Variants in TMEM266 observed in about 807,000 individuals in gnomAD.
The protein encoded by TMEM266 is transmembrane protein 266.
A neutral mutation model predicts 50.5 loss-of-function variants in TMEM266; 33 were observed. The ratio of observed to expected loss-of-function variants is 0.65; its 90% CI spans 0.50 to 0.87. TMEM266 has a LOEUF of 0.87. TMEM266 is among the 40% of genes least tolerant of loss of function. The pLI is 0.00. For synonymous variants in TMEM266, 310 were observed against 292.3 expected, an observed-to-expected ratio of 1.06 and a Z score of -0.62; for missense variants, 655 against 695.1, an observed-to-expected ratio of 0.94 and a Z score of 0.65.
chr15:76,088,754 G>T (rs1247844662), intron 1 of TMEM266, among the ~76,000 whole-genome samples: 1 of 151,394 alleles, frequency 6.6e-6, no homozygotes. Context: ...CTGAGATCAC[G>T]CCACTGCACT....
chr15:76,203,972 C>T lies in TMEM266; in HGVS notation c.1253C>T (p.Pro418Leu), dbSNP rs368467428. The T allele has an allele frequency of 1.4e-5, 23 of 1,610,794 alleles. No individual in the cohort carries two copies. Among genetic ancestry groups the T allele is most frequent in the South Asian group, 1.3e-4 (12 of 90,998 alleles). Reference sequence around the variant, plus strand: ...GACTGCAGCACTGCCCGCGAGGAGCCGTCCTCTGAGCCCGGCCCTTCTCCC... The same window carrying T: ...GACTGCAGCACTGCCCGCGAGGAGCTGTCCTCTGAGCCCGGCCCTTCTCCC... ...EEPSSEPGPS[P>L]PPLPSQQQVE... The change falls in exon 11 of 11, where the codon CCG becomes CTG. Residue 418 changes from proline to leucine, a missense_variant. Around this residue, in one of 3 missense-constraint regions of TMEM266, gnomAD observed 455 missense variants for 401.8 expected, o/e 1.13. Coordinates refer to ENST00000388942, the MANE Select transcript of TMEM266 (RefSeq NM_152335.3).
chr15:76,084,157 C>A (rs2036736934), intron 1 of TMEM266, among the ~76,000 whole-genome samples: 2 of 151,710 alleles, frequency 1.3e-5, no homozygotes, highest in African/African-American at 4.8e-5. Flanking sequence ...TATGAAAAAT[C>A]AAAAAAATTA....
intron 4 of TMEM266, 114 bp from the exon 5 acceptor site, chr15:76,159,981 G>A (rs1019621901): frequency 2.7e-5 from 26 of 977,512 alleles, no homozygotes; most frequent in East Asian, 2.0e-4. Context: ...AGATCTAAAC[G>A]TTCATGCAGG....
chr15:76,090,668 T>C (rs1020652153), intron 1 of TMEM266, among the ~76,000 whole-genome samples: 2 of 151,862 alleles, frequency 1.3e-5, no homozygotes, highest in Non-Finnish European at 2.9e-5. Context: ...AATAAATGGG[T>C]AGGGTTAAAA....
At chr15:76,126,146 A>G (rs549587228) in intron 1 of TMEM266, among the ~76,000 whole-genome samples, 1 of 152,060 alleles carries the variant, frequency 6.6e-6, no homozygotes, top group South Asian at 2.1e-4. Flanking sequence ...GGAAAACAGT[A>G]TGGATGCTCC....
intron 8 of TMEM266, among the ~76,000 whole-genome samples, chr15:76,188,022 C>T (rs1043983592): frequency 6.6e-6 from 1 of 152,112 alleles, no homozygotes; most frequent in Non-Finnish European, 1.5e-5. Context: ...CCATTGTGCA[C>T]ATTTCCCCCA....
At chr15:76,158,957 T>TTCA (rs2037970022) in intron 4 of TMEM266, among the ~76,000 whole-genome samples, 1 of 152,210 alleles carries the variant, frequency 6.6e-6, no homozygotes, top group Non-Finnish European at 1.5e-5. Flanking sequence ...CGGGAGAGGT[T>TTCA]GTGGGTTCCT....
intron 1 of TMEM266, among the ~76,000 whole-genome samples, chr15:76,103,932 G>A (rs1465300716): frequency 6.6e-6 from 1 of 151,252 alleles, no homozygotes; most frequent in East Asian, 1.9e-4. Context: ...AAAATGCCAG[G>A]GGCAGTGGCT....
intron 6 of TMEM266, among the ~76,000 whole-genome samples, chr15:76,170,314 GCA>G (rs2038167845): frequency 6.6e-6 from 1 of 152,216 alleles, no homozygotes; most frequent in Non-Finnish European, 1.5e-5. Context: ...GCAGTGTTGT[GCA>G]CACAGACAAG....
At chr15:76,117,369 G>A (rs1020026387) in intron 1 of TMEM266, among the ~76,000 whole-genome samples, 3 of 151,988 alleles carry the variant, frequency 2.0e-5, no homozygotes, top group South Asian at 4.2e-4. Flanking sequence ...GAAACACTAC[G>A]GCAGTGCCTG....
intron 9 of TMEM266, among the ~76,000 whole-genome samples, chr15:76,194,747 C>T (rs1055861950): frequency 6.6e-6 from 1 of 152,168 alleles, no homozygotes; most frequent in Admixed American, 6.5e-5. Context: ...ACATGGCGTC[C>T]TCTCTATGCA....
intron 1 of TMEM266, among the ~76,000 whole-genome samples, chr15:76,123,360 T>C (rs2037371150): frequency 6.6e-6 from 1 of 152,194 alleles, no homozygotes; most frequent in Non-Finnish European, 1.5e-5. Context: ...GTGTGGAACA[T>C]GATGTCCATG....
rs576076520 is a variant in TMEM266, at chr15:76,080,595, T to C, written c.-97+20579T>C. On this transcript the variant is annotated intron_variant, in intron 1 of 10. Coordinates refer to ENST00000388942, the MANE Select transcript of TMEM266 (RefSeq NM_152335.3). ...GAACAACTACCTGCCCATTGAGCCCTCCTGCCGTCCTCTCATTAGGATTAT... is the reference window on the plus strand; with the variant it reads ...GAACAACTACCTGCCCATTGAGCCCCCCTGCCGTCCTCTCATTAGGATTAT... 2.0e-5 allele frequency among the ~76,000 whole-genome samples: 3 copies of C among 151,832 alleles called. No homozygotes were observed. In the East Asian group the frequency reaches 5.9e-4, roughly 30 times the overall value.
chr15:76,125,180 T>C (rs1308584163), intron 1 of TMEM266, among the ~76,000 whole-genome samples: 1 of 152,036 alleles, frequency 6.6e-6, no homozygotes, highest in Non-Finnish European at 1.5e-5. Context: ...TACATAAAAA[T>C]CAAAACCCTA....
chr15:76,147,074 G>A (rs994074181), intron 3 of TMEM266, among the ~76,000 whole-genome samples: 4 of 152,222 alleles, frequency 2.6e-5, no homozygotes, highest in Admixed American at 6.5e-5. Flanking sequence ...GCCCAGTTCT[G>A]TTTGGAGTGT....
At chr15:76,185,253 G>A (rs958531859) in intron 8 of TMEM266, among the ~76,000 whole-genome samples, 2 of 152,168 alleles carry the variant, frequency 1.3e-5, no homozygotes, top group Admixed American at 1.3e-4. Context: ...TTGTACCTGA[G>A]GCCATTTGAT....
At chr15:76,198,083 A>G (rs558148545) in intron 9 of TMEM266, among the ~76,000 whole-genome samples, 136 of 152,278 alleles carry the variant, frequency 8.9e-4, no homozygotes, top group African/African-American at 3.2e-3. Context: ...GAGGCAAGGG[A>G]TGGCCCTGGG....
At chr15:76,163,986 C>T (rs2038055956) in intron 5 of TMEM266, among the ~76,000 whole-genome samples, 1 of 152,202 alleles carries the variant, frequency 6.6e-6, no homozygotes, top group Admixed American at 6.5e-5. Flanking sequence ...CTACCTGATT[C>T]CAAAGCACTT....
intron 9 of TMEM266, among the ~76,000 whole-genome samples, chr15:76,199,439 G>C (rs2038705538): frequency 6.6e-6 from 1 of 152,250 alleles, no homozygotes; most frequent in Admixed American, 6.5e-5. Context: ...GCTGAGCCCA[G>C]CAAGCTGATG....
Sources: gnomAD v4.1 joint callset for allele counts (sites outside exome capture counted in the v4.1 genomes callset) on GRCh38, gnomAD v4.1.1 for gene constraint, gnomAD v4.1.1 regional missense constraint, MANE v1.5 for transcripts, NCBI Gene and HGNC (gene_info 2026-07-23, HGNC 2026-07-21) for gene names.